Variants in PCNX1 observed in about 807,000 individuals in gnomAD.
The protein encoded by PCNX1 is pecanex-like protein 1.
A neutral mutation model predicts 242.2 loss-of-function variants in PCNX1; 78 were observed. That is an observed-to-expected ratio of 0.32 (90% CI 0.27 to 0.39). The LOEUF (loss-of-function observed/expected upper bound fraction) is 0.39, where lower values mean the gene tolerates loss of function less well. Among genes scored for constraint, PCNX1 ranks in the 10% least tolerant of loss-of-function variants. PCNX1 has a pLI of 1.00. For synonymous variants in PCNX1, 1,024 were observed against 1,032.9 expected (o/e 0.99, Z 0.17); for missense variants, 2,581 against 2,856.5 (o/e 0.90, Z 2.20).
At chr14:71,066,490 A>T (rs1473837772) in intron 26 of PCNX1, among the ~76,000 whole-genome samples, 3 of 152,222 alleles carry the variant, frequency 2.0e-5, no homozygotes, top group Non-Finnish European at 4.4e-5. Flanking sequence ...GTTGCTTATC[A>T]GCTTAAGGAG....
chr14:71,014,414 A>T (rs2059905030), intron 11 of PCNX1, among the ~76,000 whole-genome samples: 1 of 152,238 alleles, frequency 6.6e-6, no homozygotes, highest in African/African-American at 2.4e-5. Flanking sequence ...TAACAAGAAT[A>T]ATCAGTTGAG....
chr14:70,941,009 C>A (rs1001092924), intron 1 of PCNX1, among the ~76,000 whole-genome samples: 1 of 152,146 alleles, frequency 6.6e-6, no homozygotes, highest in Non-Finnish European at 1.5e-5. Context: ...ATTGTTTATT[C>A]TAGTTAGCCA....
intron 1 of PCNX1, among the ~76,000 whole-genome samples, chr14:70,908,243 T>C (rs2055656008): frequency 6.6e-6 from 1 of 151,964 alleles, no homozygotes; most frequent in Non-Finnish European, 1.5e-5. Flanking sequence ...GCCCGCTCAC[T>C]GGGAAGCGGC....
chr14:71,103,980 T>A (rs532638590), intron 32 of PCNX1, among the ~76,000 whole-genome samples: 1 of 152,214 alleles, frequency 6.6e-6, no homozygotes, highest in African/African-American at 2.4e-5. Flanking sequence ...TTTGAATATT[T>A]GTTCTGTACA....
intron 23 of PCNX1, 127 bp from the exon 24 acceptor site, chr14:71,051,756 G>A (rs762501827): frequency 2.4e-6 from 2 of 839,284 alleles, no homozygotes; most frequent in African/African-American, 1.7e-5. Flanking sequence ...ACCTTCTTTT[G>A]TATTCTTCTG....
chr14:70,959,189 G>GT (rs1179918394), intron 2 of PCNX1, among the ~76,000 whole-genome samples: 14 of 148,492 alleles, frequency 9.4e-5, no homozygotes, highest in East Asian at 2.0e-4. Context: ...TTGGTGTGTG[G>GT]TTTTTTCCCC....
intron 27 of PCNX1, among the ~76,000 whole-genome samples, chr14:71,074,503 G>A (rs920146670): frequency 3.3e-5 from 5 of 152,302 alleles, no homozygotes; most frequent in South Asian, 4.1e-4. Context: ...CAGAGACACC[G>A]AATCAAGGAG....
intron 28 of PCNX1, among the ~76,000 whole-genome samples, chr14:71,080,582 C>G (rs1489460667): frequency 6.6e-6 from 1 of 152,122 alleles, no homozygotes; most frequent in Non-Finnish European, 1.5e-5. Flanking sequence ...TTGAAGAGGT[C>G]GTTCACATCC....
chr14:71,005,431 C>G (rs1390866045), intron 8 of PCNX1, among the ~76,000 whole-genome samples: 1 of 151,522 alleles, frequency 6.6e-6, no homozygotes, highest in Non-Finnish European at 1.5e-5. Flanking sequence ...TCACTGGAAC[C>G]TAGGAGTTTG....
intron 1 of PCNX1, among the ~76,000 whole-genome samples, chr14:70,934,332 T>C (rs762454243): frequency 6.6e-6 from 1 of 152,252 alleles, no homozygotes; most frequent in Non-Finnish European, 1.5e-5. Flanking sequence ...AGCTTGTTTC[T>C]CAACATTTGG....
At chr14:70,913,692 T>G (rs1345576599) in intron 1 of PCNX1, among the ~76,000 whole-genome samples, 2 of 152,172 alleles carry the variant, frequency 1.3e-5, no homozygotes, top group African/African-American at 2.4e-5. Context: ...CTCAGGTCAT[T>G]TTCTTTCCCC....
At chr14:70,989,607 G>A (rs1028388493) in intron 7 of PCNX1, among the ~76,000 whole-genome samples, 3 of 141,144 alleles carry the variant, frequency 2.1e-5, no homozygotes, top group African/African-American at 8.1e-5. Context: ...TTGGCTCACT[G>A]CAACCTCCGC....
chr14:71,045,273 T>G lies in PCNX1; in HGVS notation c.4008T>G (p.Tyr1336Ter). The G allele has an allele frequency of 6.2e-7, 1 of 1,601,934 alleles. No individual in the cohort carries two copies. The change falls in exon 20 of 36, where the codon TAT becomes TAG. Residue 1336 changes from tyrosine to a stop codon, truncating the protein, a stop_gained. Coordinates refer to ENST00000304743, the MANE Select transcript of PCNX1 (RefSeq NM_014982.3). LOFTEE classifies it high-confidence loss of function. ...PLLKTLEYNQ[Y>*]EVRNAATMMW... ...TAAAGACACTAGAGTATAATCAGTATGAAGTTCGAAGTAAGTATTTCATTA... is the reference window on the plus strand; with the variant it reads ...TAAAGACACTAGAGTATAATCAGTAGGAAGTTCGAAGTAAGTATTTCATTA...
chr14:71,022,434 G>A (rs1426836043), intron 12 of PCNX1, among the ~76,000 whole-genome samples: 1 of 152,144 alleles, frequency 6.6e-6, no homozygotes, highest in Non-Finnish European at 1.5e-5. Flanking sequence ...TTAGAAGATA[G>A]GCGCTGTGGT....
intron 5 of PCNX1, among the ~76,000 whole-genome samples, chr14:70,976,668 C>T (rs981306781): frequency 5.3e-5 from 8 of 152,104 alleles, no homozygotes; most frequent in East Asian, 1.9e-4. Context: ...CCACTGCGCC[C>T]GGCCCCTTTG....
intron 1 of PCNX1, among the ~76,000 whole-genome samples, chr14:70,945,742 A>G (rs1317201989): frequency 1.3e-5 from 2 of 151,642 alleles, no homozygotes; most frequent in Non-Finnish European, 2.9e-5. Context: ...ATCTTGGCTC[A>G]CTAGAACCTC....
intron 6 of PCNX1, among the ~76,000 whole-genome samples, chr14:70,986,890 A>C (rs1471815581): frequency 2.0e-5 from 3 of 152,226 alleles, no homozygotes; most frequent in Non-Finnish European, 4.4e-5. Context: ...AGAAATCTTT[A>C]ATATAATATT....
intron 20 of PCNX1, among the ~76,000 whole-genome samples, chr14:71,046,567 A>T (rs956566130): frequency 1.3e-5 from 2 of 152,146 alleles, no homozygotes; most frequent in Admixed American, 6.5e-5. Flanking sequence ...ATATTGTAGC[A>T]TTGGAAAAAA....
In PCNX1 at chr14:71,112,742, A is replaced by C. The variant is rs1235625838; in HGVS notation, c.*2807A>C. ...TAGTTTATAAATTTGCCAATGCTTT[A>C]ATTTCCATAATTTGAAAGTTAAAAG... is the stretch of plus-strand genomic sequence containing the variant. On this transcript the variant is annotated 3_prime_UTR_variant, in exon 36 of 36. Transcript: ENST00000304743. The C allele has an allele frequency of 1.3e-5, 2 of 152,120 alleles. No individual in the cohort carries two copies. The highest frequency in any genetic ancestry group is 6.5e-5 in the Admixed American group (1 of 15,282). The allele number at this position is 152,120 out of a possible 1,614,324, so 9.4% of individuals were successfully genotyped here. A position where few individuals can be genotyped will look rare whatever the true frequency, so the allele number is the denominator to read the frequency against.
Sources: gnomAD v4.1 joint callset for allele counts (sites outside exome capture counted in the v4.1 genomes callset) on GRCh38, gnomAD v4.1.1 for gene constraint, MANE v1.5 for transcripts, NCBI Gene and HGNC (gene_info 2026-07-23, HGNC 2026-07-21) for gene names.